TASP1: variants seen among roughly 807,000 people sequenced by gnomAD.
TASP1 encodes the protein threonine aspartase 1.
A neutral mutation model predicts 56.6 loss-of-function variants in TASP1; 16 were observed. That is an observed-to-expected ratio of 0.28 (90% CI 0.19 to 0.43). TASP1 has a LOEUF of 0.43. Among genes scored for constraint, TASP1 ranks in the 20% least tolerant of loss-of-function variants. The pLI, the probability that TASP1 is intolerant of heterozygous loss-of-function variation, is 1.00. For synonymous variants in TASP1, 179 were observed against 184.2 expected (o/e 0.97, Z 0.23); for missense variants, 393 against 511.6 (o/e 0.77, Z 2.24).
At chr20:13,152,768 G>A in the TASP1 span, among the ~76,000 whole-genome samples, 1 of 152,160 alleles carries the variant, frequency 6.6e-6, no homozygotes, top group African/African-American at 2.4e-5. Context: ...CAAACAGTAT[G>A]GTTCTCTGGA....
chr20:13,457,329 C>A (rs566667970), intron 11 of TASP1, among the ~76,000 whole-genome samples: 2 of 152,018 alleles, frequency 1.3e-5, no homozygotes, highest in South Asian at 4.2e-4. Context: ...AAAACCCAAA[C>A]ATTCAGGTAA....
chr20:13,435,824 A>C (rs2042983482), intron 11 of TASP1, among the ~76,000 whole-genome samples: 1 of 152,198 alleles, frequency 6.6e-6, no homozygotes, highest in African/African-American at 2.4e-5. Context: ...GTGGAAAATA[A>C]ATGCAAAATT....
the TASP1 span, among the ~76,000 whole-genome samples, chr20:13,161,941 A>G: frequency 1.3e-4 from 20 of 152,342 alleles, no homozygotes; most frequent in African/African-American, 4.8e-4. Context: ...ATTGAGTAGC[A>G]TGTTAACAAC....
At chr20:13,490,734 G>A (rs1027190659) in intron 10 of TASP1, among the ~76,000 whole-genome samples, 5 of 151,992 alleles carry the variant, frequency 3.3e-5, no homozygotes, top group African/African-American at 1.2e-4. Context: ...ATAGGGTAAG[G>A]GTTAGTATCT....
At chr20:13,305,702 G>C in the TASP1 span, among the ~76,000 whole-genome samples, 1 of 152,094 alleles carries the variant, frequency 6.6e-6, no homozygotes, top group Admixed American at 6.5e-5. Context: ...GCTTAGTATT[G>C]GTTTACCATA....
chr20:13,402,616 T>C (rs2041779295), intron 13 of TASP1, among the ~76,000 whole-genome samples: 1 of 152,252 alleles, frequency 6.6e-6, no homozygotes, highest in Non-Finnish European at 1.5e-5. Context: ...AGGGATCAGA[T>C]GCCTTTAGTT....
chr20:13,378,888 AT>A, the TASP1 span, among the ~76,000 whole-genome samples: 2 of 152,122 alleles, frequency 1.3e-5, no homozygotes, highest in African/African-American at 2.4e-5. Context: ...AAATACTAAG[AT>A]TGCCACCCCT....
chr20:13,426,092 G>A (rs183768227), intron 12 of TASP1, among the ~76,000 whole-genome samples: 1 of 152,260 alleles, frequency 6.6e-6, no homozygotes, highest in East Asian at 1.9e-4. Flanking sequence ...AGGAGGATGT[G>A]GGTCAAATAG....
the TASP1 span, among the ~76,000 whole-genome samples, chr20:13,230,860 A>G: frequency 2.6e-4 from 40 of 152,298 alleles, no homozygotes; most frequent in Admixed American, 8.5e-4. Flanking sequence ...CGTAAAACCT[A>G]ATTTCTTTCT....
chr20:13,228,065 C>T, the TASP1 span, among the ~76,000 whole-genome samples: 7 of 150,876 alleles, frequency 4.6e-5, no homozygotes, highest in African/African-American at 1.5e-4. Flanking sequence ...CTCCCTCTCC[C>T]GGGTTCAAGC....
chr20:13,495,131 C>A (rs190326670), intron 10 of TASP1, among the ~76,000 whole-genome samples: 1 of 152,038 alleles, frequency 6.6e-6, no homozygotes, highest in Non-Finnish European at 1.5e-5. Flanking sequence ...GAGCCAGCCA[C>A]ATATATTAAA....
chr20:13,533,977 T>C (rs1359248425), intron 9 of TASP1, 45 bp downstream of exon 9: 16 of 1,568,716 alleles, frequency 1.0e-5, no homozygotes, highest in Non-Finnish European at 1.3e-5. Flanking sequence ...AAAAATTCCA[T>C]GCTTTACTTT....
At chr20:13,531,993 G>A (rs544675070) in intron 9 of TASP1, among the ~76,000 whole-genome samples, 7 of 152,240 alleles carry the variant, frequency 4.6e-5, no homozygotes, top group East Asian at 1.9e-4. Flanking sequence ...TAGAGATGGC[G>A]TGAGCCAAAG....
At chr20:13,169,294 C>T in the TASP1 span, among the ~76,000 whole-genome samples, 4 of 152,112 alleles carry the variant, frequency 2.6e-5, no homozygotes, top group East Asian at 3.9e-4. Context: ...TTGAAATTGG[C>T]CACAATGGGA....
At chr20:13,331,075 T>C in the TASP1 span, among the ~76,000 whole-genome samples, 7 of 152,284 alleles carry the variant, frequency 4.6e-5, no homozygotes, top group Non-Finnish European at 7.4e-5. Context: ...TTTTTTCTTG[T>C]TTTAAGGTTG....
At chr20:13,613,800 C>T (rs1487677834) in intron 4 of TASP1, among the ~76,000 whole-genome samples, 1 of 151,986 alleles carries the variant, frequency 6.6e-6, no homozygotes, top group Non-Finnish European at 1.5e-5. Context: ...TAAGTTTCAG[C>T]AGAGTTAGCC....
At chr20:13,565,113 T>C (rs999974259) in intron 7 of TASP1, among the ~76,000 whole-genome samples, 2 of 152,058 alleles carry the variant, frequency 1.3e-5, no homozygotes, top group African/African-American at 2.4e-5. Flanking sequence ...GGTCAACGAT[T>C]TGACGAGGGT....
chr20:13,351,602 G>A, the TASP1 span, among the ~76,000 whole-genome samples: 1,880 of 152,300 alleles, frequency 0.012, 24 homozygotes, highest in African/African-American at 0.032. Context: ...TAGGAACTGA[G>A]AATAGATTAG....
At chr20:13,188,659 C>T in the TASP1 span, among the ~76,000 whole-genome samples, 1 of 152,134 alleles carries the variant, frequency 6.6e-6, no homozygotes, top group Non-Finnish European at 1.5e-5. Context: ...CCACCAGTAA[C>T]ATTCTCCACA....
Sources: gnomAD v4.1 joint callset for allele counts (sites outside exome capture counted in the v4.1 genomes callset) on GRCh38, gnomAD v4.1.1 for gene constraint, MANE v1.5 for transcripts, NCBI Gene and HGNC (gene_info 2026-07-23, HGNC 2026-07-21) for gene names.